The following MAST4 variants were observed in gnomAD, a reference collection of about 807,000 sequenced individuals.
The protein encoded by MAST4 is microtubule associated serine/threonine kinase family member 4.
In MAST4, 89 loss-of-function variants were observed where a neutral mutation model predicts 162.7. The observed-to-expected ratio is 0.55, with a 90% confidence interval of 0.46 to 0.65. The LOEUF is 0.65. Ranked by LOEUF, MAST4 falls within the 30% of genes least tolerant of loss-of-function variation. The pLI is 0.00. For missense variants in MAST4, 3,153 were observed against 3,374.0 expected, an observed-to-expected ratio of 0.93 and a Z score of 1.62; for synonymous variants, 1,479 against 1,361.1, an observed-to-expected ratio of 1.09 and a Z score of -1.91.
chr5:66,707,700 T>C (rs563276645), intron 1 of MAST4, among the ~76,000 whole-genome samples: 7 of 152,264 alleles, frequency 4.6e-5, no homozygotes, highest in African/African-American at 1.7e-4. Context: ...ATACAGTGAA[T>C]TCTGAGTTCT....
chr5:66,880,586 T>C (rs1299293227), intron 3 of MAST4, among the ~76,000 whole-genome samples: 1 of 152,148 alleles, frequency 6.6e-6, no homozygotes, highest in Admixed American at 6.5e-5. Flanking sequence ...CCCTTAACAA[T>C]GGACGTTTGA....
At chr5:67,088,117 A>G (rs573274198) in intron 5 of MAST4, among the ~76,000 whole-genome samples, 1 of 152,326 alleles carries the variant, frequency 6.6e-6, no homozygotes, top group South Asian at 2.1e-4. Flanking sequence ...TAATATCCCT[A>G]AAAGTGAAAA....
chr5:66,854,354 A>G (rs955471963), intron 3 of MAST4, among the ~76,000 whole-genome samples: 1 of 152,204 alleles, frequency 6.6e-6, no homozygotes, highest in African/African-American at 2.4e-5. Context: ...ACTCCAAAAC[A>G]TATCTGCTTC....
intron 3 of MAST4, among the ~76,000 whole-genome samples, chr5:66,854,116 C>T (rs1324106407): frequency 6.6e-6 from 1 of 152,090 alleles, no homozygotes; most frequent in African/African-American, 2.4e-5. Context: ...TTAACCTCCC[C>T]AGTAGCAGGA....
chr5:66,858,648 G>T (rs984081102), intron 3 of MAST4, among the ~76,000 whole-genome samples: 3 of 152,032 alleles, frequency 2.0e-5, no homozygotes, highest in Non-Finnish European at 4.4e-5. Context: ...AATTGATTTA[G>T]ATATTTTTGG....
intron 4 of MAST4, among the ~76,000 whole-genome samples, chr5:67,041,938 A>T (rs553225316): frequency 4.6e-5 from 7 of 152,184 alleles, no homozygotes; most frequent in African/African-American, 1.7e-4. Flanking sequence ...ATGATTATTG[A>T]TATTATTATC....
chr5:67,077,418 A>C (rs1216372353), intron 5 of MAST4, among the ~76,000 whole-genome samples: 1 of 152,172 alleles, frequency 6.6e-6, no homozygotes, highest in Non-Finnish European at 1.5e-5. Flanking sequence ...GGATTCAGAA[A>C]CACTATTGTG....
At chr5:66,968,319 C>G (rs1747001492) in intron 4 of MAST4, among the ~76,000 whole-genome samples, 1 of 152,128 alleles carries the variant, frequency 6.6e-6, no homozygotes, top group Non-Finnish European at 1.5e-5. Context: ...TCTGGAGTCT[C>G]AGAGTCATAA....
intron 4 of MAST4, among the ~76,000 whole-genome samples, chr5:66,999,582 G>A (rs1561517138): frequency 6.6e-6 from 1 of 152,210 alleles, no homozygotes; most frequent in Non-Finnish European, 1.5e-5. Flanking sequence ...TCTTTAGCAT[G>A]TCCTTTACTT....
At chr5:66,975,339 C>G (rs536951408) in intron 4 of MAST4, among the ~76,000 whole-genome samples, 1 of 152,322 alleles carries the variant, frequency 6.6e-6, no homozygotes. Context: ...ACTGCATTCT[C>G]TTGTTTTTCC....
chr5:67,088,694 A>G lies in MAST4; in HGVS notation c.764-1468A>G, dbSNP rs537869068. 1.2e-4 allele frequency among the ~76,000 whole-genome samples: 18 copies of G among 152,260 alleles called. No homozygotes were observed. In the South Asian group the frequency reaches 3.3e-3, roughly 28 times the overall value. On this transcript the variant is annotated intron_variant, in intron 5 of 28. Coordinates refer to ENST00000403625, the MANE Select transcript of MAST4 (RefSeq NM_001164664.2). The stretch of plus-strand genomic sequence containing the variant: ...GCAGAATTCATTTCTCCAGGGGCCC[A>G]AGGAATAACAGATGCAAAGCCATGA...
At chr5:66,793,884 TG>T (rs1755533876) in intron 3 of MAST4, among the ~76,000 whole-genome samples, 1 of 152,212 alleles carries the variant, frequency 6.6e-6, no homozygotes, top group Admixed American at 6.5e-5. Context: ...CCATATCGTT[TG>T]CTTATTTTAT....
intron 1 of MAST4, among the ~76,000 whole-genome samples, chr5:66,656,013 G>C (rs964243925): frequency 6.6e-6 from 1 of 152,198 alleles, no homozygotes; most frequent in Non-Finnish European, 1.5e-5. Context: ...CAGTAGTAGT[G>C]TATAAAAGCT....
intron 19 of MAST4, among the ~76,000 whole-genome samples, chr5:67,138,360 G>A (rs564214131): frequency 1.2e-4 from 19 of 152,166 alleles, no homozygotes; most frequent in East Asian, 5.8e-4. Context: ...TTATGAATGC[G>A]TACTGCCCTA....
intron 3 of MAST4, chr5:66,792,368 T>C (rs1016630464): frequency 3.6e-5 from 6 of 167,656 alleles, no homozygotes; most frequent in African/African-American, 1.2e-4. Context: ...CACCTTCGTT[T>C]TTGTTCTTTG....
intron 4 of MAST4, among the ~76,000 whole-genome samples, chr5:67,009,820 G>A (rs1752463666): frequency 6.6e-6 from 1 of 152,170 alleles, no homozygotes; most frequent in South Asian, 2.1e-4. Context: ...CTGCAAGCCA[G>A]TTAATAAGTT....
chr5:67,039,220 C>G (rs182817945), intron 4 of MAST4, among the ~76,000 whole-genome samples: 43 of 152,256 alleles, frequency 2.8e-4, no homozygotes, highest in African/African-American at 1.0e-3. Flanking sequence ...CCGTTGATTT[C>G]TTTTCAGTAA....
At chr5:67,127,522 G>A (rs141725389) in intron 14 of MAST4, among the ~76,000 whole-genome samples, 2,171 of 152,218 alleles carry the variant, frequency 0.014, 22 homozygotes, top group Non-Finnish European at 0.019. Flanking sequence ...TTCTGTTTTG[G>A]TGATGGATTA....
chr5:67,016,281 G>A (rs1753279008), intron 4 of MAST4, among the ~76,000 whole-genome samples: 1 of 152,120 alleles, frequency 6.6e-6, no homozygotes, highest in African/African-American at 2.4e-5. Context: ...TTACTTAACT[G>A]TCCCTAAATC....
Sources: gnomAD v4.1 joint callset for allele counts (sites outside exome capture counted in the v4.1 genomes callset) on GRCh38, gnomAD v4.1.1 for gene constraint, MANE v1.5 for transcripts, NCBI Gene and HGNC (gene_info 2026-07-23, HGNC 2026-07-21) for gene names.